ARHGAP21: variants seen among roughly 807,000 people sequenced by gnomAD.
ARHGAP21 encodes Rho GTPase activating protein 21.
In ARHGAP21, 38 loss-of-function variants were observed where a neutral mutation model predicts 164.6. The ratio of observed to expected loss-of-function variants is 0.23; its 90% confidence interval spans 0.18 to 0.30. ARHGAP21 has a LOEUF of 0.30. Ranked by LOEUF, ARHGAP21 falls within the 10% of genes least tolerant of loss-of-function variation. The probability of loss-of-function intolerance (pLI) is 1.00; values close to 1 mark genes in which losing one functional copy is unlikely to be tolerated. For missense variants in ARHGAP21, 1,822 were observed against 2,370.7 expected (o/e 0.77, Z 4.81); for synonymous variants, 766 against 857.9 (o/e 0.89, Z 1.87).
At position 24,621,065 on chromosome 10, in the gene ARHGAP21, G is replaced by A. The variant is rs528333005; in HGVS notation, c.830C>T (p.Pro277Leu). 1.2e-6 allele frequency: 2 copies of A among 1,613,932 alleles called. No individual in the cohort carries two copies. Among genetic ancestry groups the A allele is most frequent in the Non-Finnish European group, 1.7e-6 (2 of 1,179,836 alleles). ...CNESVRTVIVPSEKVVDLLSN... is the reference protein window; with the variant it reads ...CNESVRTVIVLSEKVVDLLSN... ...TAACAAATCTACAACCTTCTCAGAA[G>A]GCACAATGACAGTCCTTACACTTTC... is the stretch of plus-strand genomic sequence containing the variant. The change falls in exon 9 of 26, where the codon CCT (proline) becomes CTT (leucine). Residue 277 changes from proline (P) to leucine (L), a missense_variant. Transcript: ENST00000396432.
chr10:24,604,324 C>T lies in ARHGAP21; in HGVS notation c.2709G>A (p.Leu903=), dbSNP rs61854960. 2 of 1,591,308 alleles carry T rather than the reference C, an allele frequency of 1.3e-6. No homozygotes were observed. The highest frequency in any genetic ancestry group is 1.7e-6 in the Non-Finnish European group (2 of 1,169,668). The change falls in exon 12 of 26, where the codon CTG becomes CTA. Residue 903 remains leucine, a synonymous_variant. Transcript: ENST00000396432. ...CTCTAATACCAACCTTGATTCCCTT[C>T]AGACTAGATACGTGCTTAAAGGACC... The part of the protein sequence containing the change: ...AKLSFKHVSS[L]KGIKIADSQK...
At chr10:24,671,859 A>C (rs1401083919) in intron 2 of ARHGAP21, among the ~76,000 whole-genome samples, 4 of 147,190 alleles carry the variant, frequency 2.7e-5, no homozygotes, top group Non-Finnish European at 6.0e-5. Context: ...GGTAGATGGG[A>C]CTACAGGTGA....
intron 21 of ARHGAP21, among the ~76,000 whole-genome samples, chr10:24,593,854 T>C (rs920811646): frequency 2.6e-5 from 4 of 152,172 alleles, no homozygotes; most frequent in Non-Finnish European, 5.9e-5. Flanking sequence ...GGCAACAGTC[T>C]AGGCTTTCAC....
intron 7 of ARHGAP21, 105 bp from the exon 8 acceptor site, chr10:24,622,867 C>A: frequency 8.9e-7 from 1 of 1,128,694 alleles, no homozygotes; most frequent in Non-Finnish European, 1.3e-6. Flanking sequence ...TACATCTATA[C>A]TTGTTTCTCT....
At chr10:24,710,014 T>C (rs1844625736) in intron 2 of ARHGAP21, among the ~76,000 whole-genome samples, 1 of 152,204 alleles carries the variant, frequency 6.6e-6, no homozygotes, top group South Asian at 2.1e-4. Context: ...GGTAATAATG[T>C]AATGTAGATG....
intron 2 of ARHGAP21, among the ~76,000 whole-genome samples, chr10:24,684,300 A>C (rs1423763332): frequency 3.9e-5 from 6 of 152,102 alleles, no homozygotes; most frequent in Non-Finnish European, 7.4e-5. Flanking sequence ...AGAAAAAAAA[A>C]ACCCAGCAAA....
At chr10:24,586,554 T>C (rs1210282429) in intron 25 of ARHGAP21, among the ~76,000 whole-genome samples, 2 of 152,138 alleles carry the variant, frequency 1.3e-5, no homozygotes, top group African/African-American at 4.8e-5. Context: ...CTGATATAGG[T>C]TATTAAATGT....
At chr10:24,666,276 C>T (rs929609240) in intron 4 of ARHGAP21, among the ~76,000 whole-genome samples, 6 of 152,112 alleles carry the variant, frequency 3.9e-5, no homozygotes, top group African/African-American at 1.4e-4. Flanking sequence ...GTGATCCACC[C>T]GCCTCAGCCT....
chr10:24,711,164 G>GAGAA (rs1187159967), intron 2 of ARHGAP21, among the ~76,000 whole-genome samples: 2 of 147,764 alleles, frequency 1.4e-5, no homozygotes, highest in African/African-American at 2.5e-5. Flanking sequence ...GAGGGAAAAA[G>GAGAA]AGAAAGAAAG....
At chr10:24,645,161 C>T (rs1347334528) in intron 4 of ARHGAP21, among the ~76,000 whole-genome samples, 3 of 152,192 alleles carry the variant, frequency 2.0e-5, no homozygotes, top group Non-Finnish European at 4.4e-5. Context: ...AATGTAACTT[C>T]TAAATGTCTC....
intron 2 of ARHGAP21, among the ~76,000 whole-genome samples, chr10:24,676,541 G>T (rs1841267450): frequency 6.6e-6 from 1 of 152,188 alleles, no homozygotes. Flanking sequence ...CAAAAGCGGG[G>T]AGGGTGGAAA....
intron 13 of ARHGAP21, among the ~76,000 whole-genome samples, chr10:24,601,354 G>C (rs536758182): frequency 6.6e-6 from 1 of 152,284 alleles, no homozygotes; most frequent in East Asian, 1.9e-4. Context: ...CTAATTAACA[G>C]AGTTCATCAA....
At chr10:24,628,812 TATACATATAC>T (rs1409825397) in intron 7 of ARHGAP21, among the ~76,000 whole-genome samples, 1 of 121,140 alleles carries the variant, frequency 8.3e-6, no homozygotes, top group African/African-American at 3.3e-5. Context: ...TATACATATA[TATACATATAC>T]ACACATATAT....
chr10:24,686,755 T>A (rs371405370), intron 2 of ARHGAP21, among the ~76,000 whole-genome samples: 1 of 152,228 alleles, frequency 6.6e-6, no homozygotes, highest in Non-Finnish European at 1.5e-5. Context: ...AGTTGCAATA[T>A]TGGGCGGCAC....
At chr10:24,624,400 C>T (rs899427863) in intron 7 of ARHGAP21, among the ~76,000 whole-genome samples, 17 of 127,522 alleles carry the variant, frequency 1.3e-4, no homozygotes, top group African/African-American at 3.1e-4. Context: ...AGTGCAGTGG[C>T]GCAATCTTGG....
intron 2 of ARHGAP21, among the ~76,000 whole-genome samples, chr10:24,678,106 GA>G (rs199751997): frequency 7.0e-5 from 10 of 142,448 alleles, no homozygotes; most frequent in East Asian, 6.2e-4. Flanking sequence ...CCACAAAAAG[GA>G]AAAAAAAAAG....
chr10:24,681,700 C>T (rs907490941), intron 2 of ARHGAP21, among the ~76,000 whole-genome samples: 2 of 151,696 alleles, frequency 1.3e-5, no homozygotes, highest in Non-Finnish European at 1.5e-5. Context: ...AGTAAAATTT[C>T]GTTCCTTACA....
intron 2 of ARHGAP21, among the ~76,000 whole-genome samples, chr10:24,709,692 T>C (rs747099930): frequency 1.4e-4 from 22 of 151,826 alleles, no homozygotes; most frequent in Non-Finnish European, 2.8e-4. Flanking sequence ...TAAGCCATGT[T>C]CATGTCACTG....
intron 2 of ARHGAP21, among the ~76,000 whole-genome samples, chr10:24,690,207 C>T (rs1842642273): frequency 6.6e-6 from 1 of 152,064 alleles, no homozygotes. Flanking sequence ...CCTTGTAGAC[C>T]AGTGTCTATG....
Sources: gnomAD v4.1 joint callset for allele counts (sites outside exome capture counted in the v4.1 genomes callset) on GRCh38, gnomAD v4.1.1 for gene constraint, MANE v1.5 for transcripts, NCBI Gene and HGNC (gene_info 2026-07-23, HGNC 2026-07-21) for gene names.